The following DPP6 variants were observed in gnomAD, a reference collection of about 807,000 sequenced individuals.
DPP6 encodes A-type potassium channel modulatory protein DPP6.
DPP6 carries 69 observed loss-of-function variants against 122.6 expected under a neutral mutation model. The ratio of observed to expected loss-of-function variants is 0.56; its 90% CI spans 0.46 to 0.69. DPP6 has a LOEUF of 0.69. Ranked by LOEUF, DPP6 falls within the 30% of genes least tolerant of loss-of-function variation. The pLI is 0.00. For synonymous variants in DPP6, 418 were observed against 433.1 expected (o/e 0.97, Z 0.43); for missense variants, 928 against 1,116.9 (o/e 0.83, Z 2.41).
At chr7:153,904,332 G>A (rs562044527) in intron 1 of DPP6, among the ~76,000 whole-genome samples, 53 of 152,260 alleles carry the variant, frequency 3.5e-4, no homozygotes, top group African/African-American at 1.2e-3. Flanking sequence ...GATTACAGGC[G>A]TGAGTCACCA....
chr7:154,314,270 A>C (rs751655776), intron 1 of DPP6, among the ~76,000 whole-genome samples: 4 of 152,202 alleles, frequency 2.6e-5, no homozygotes, highest in Non-Finnish European at 4.4e-5. Flanking sequence ...TAAAAAACAA[A>C]ATATAGAAAC....
rs1447441262 is a variant in DPP6, at chr7:154,624,433, G to A, written c.628-13388G>A. Among the ~76,000 whole-genome samples the A allele has an allele frequency of 4.6e-5, 7 of 151,956 alleles. No homozygotes were observed. Among genetic ancestry groups the A allele is most frequent in the Non-Finnish European group, 7.4e-5 (5 of 68,010 alleles). ...CTTGTACCCAGGAGACAGAGATTGC[G>A]CCGCTGCCTTCCAACCTGGGCAACA... On this transcript the variant is annotated intron_variant, in intron 5 of 25. Coordinates refer to ENST00000377770, the MANE Select transcript of DPP6 (RefSeq NM_130797.4). The surrounding 1 kb of genome is among the most constrained non-coding windows in gnomAD (Gnocchi z 4.7).
chr7:154,266,981 T>G (rs1803463861), intron 1 of DPP6, among the ~76,000 whole-genome samples: 1 of 152,200 alleles, frequency 6.6e-6, no homozygotes, highest in Non-Finnish European at 1.5e-5. Flanking sequence ...ATAAAGCAAT[T>G]AAAACATCCT....
chr7:154,859,518 T>A (rs577209704), intron 17 of DPP6, among the ~76,000 whole-genome samples: 1 of 152,240 alleles, frequency 6.6e-6, no homozygotes, highest in Non-Finnish European at 1.5e-5. Flanking sequence ...TTGAAATTAC[T>A]GTTTCAGAAT....
chr7:154,430,026 A>T (rs1209084875), intron 1 of DPP6, among the ~76,000 whole-genome samples: 2 of 152,208 alleles, frequency 1.3e-5, no homozygotes, highest in South Asian at 4.1e-4. Context: ...GCAAGTTTCC[A>T]TCCACCCTCC....
intron 3 of DPP6, among the ~76,000 whole-genome samples, chr7:154,488,528 ACT>A (rs1245081275): frequency 5.3e-5 from 8 of 151,268 alleles, no homozygotes; most frequent in Non-Finnish European, 7.4e-5. Context: ...TTTAACTGGG[ACT>A]CTCTAACAGA....
intron 5 of DPP6, among the ~76,000 whole-genome samples, chr7:154,636,573 C>T (rs1394432334): frequency 6.6e-6 from 1 of 152,204 alleles, no homozygotes; most frequent in Non-Finnish European, 1.5e-5. Flanking sequence ...AAGCAAGGGG[C>T]CCCGGGCCGC....
At chr7:154,659,549 C>T (rs10282013) in intron 6 of DPP6, among the ~76,000 whole-genome samples, 6 of 152,078 alleles carry the variant, frequency 3.9e-5, no homozygotes, top group African/African-American at 1.2e-4. Flanking sequence ...TAGATTATTG[C>T]GTCCAACCCT....
At chr7:154,581,649 G>A (rs192369536) in intron 5 of DPP6, among the ~76,000 whole-genome samples, 118 of 152,368 alleles carry the variant, frequency 7.7e-4, no homozygotes, top group African/African-American at 2.8e-3. Flanking sequence ...AGCCTTTCAG[G>A]CCCTTTTGAA....
At chr7:154,506,504 A>G (rs963124748) in intron 3 of DPP6, among the ~76,000 whole-genome samples, 3 of 152,150 alleles carry the variant, frequency 2.0e-5, no homozygotes, top group Middle Eastern at 3.2e-3. Flanking sequence ...ACTCTGCATT[A>G]TTCAAATGGC....
chr7:154,334,155 T>A (rs569710808), intron 1 of DPP6, among the ~76,000 whole-genome samples: 1 of 151,222 alleles, frequency 6.6e-6, no homozygotes, highest in Non-Finnish European at 1.5e-5. Flanking sequence ...GGAATTTGCA[T>A]TTTGTTATTC....
intron 1 of DPP6, among the ~76,000 whole-genome samples, chr7:154,405,430 C>T (rs1482024007): frequency 6.6e-6 from 1 of 150,598 alleles, no homozygotes; most frequent in Non-Finnish European, 1.5e-5. Context: ...GGATATTTTC[C>T]TTGTTACTAT....
intron 1 of DPP6, among the ~76,000 whole-genome samples, chr7:154,087,787 G>A (rs1394411695): frequency 2.0e-5 from 3 of 152,148 alleles, no homozygotes; most frequent in Admixed American, 6.5e-5. Flanking sequence ...AAACTCACAG[G>A]TATTTATTAT....
intron 1 of DPP6, among the ~76,000 whole-genome samples, chr7:154,208,786 G>A (rs1473061753): frequency 2.6e-5 from 4 of 151,846 alleles, no homozygotes; most frequent in African/African-American, 9.7e-5. Context: ...AAAAAAATAG[G>A]GCAGCCTCAG....
chr7:154,243,202 T>C (rs999699647), intron 1 of DPP6, among the ~76,000 whole-genome samples: 1 of 152,172 alleles, frequency 6.6e-6, no homozygotes, highest in Non-Finnish European at 1.5e-5. Flanking sequence ...ACATTTTGTC[T>C]ATAGTATCCA....
In DPP6 at chr7:154,601,349, A is replaced by T. The variant is rs1389421055; in HGVS notation, c.627+34433A>T. Among the ~76,000 whole-genome samples, 3 of 121,308 alleles carry T rather than the reference A, an allele frequency of 2.5e-5. 1 individual carries two copies. The highest frequency in any genetic ancestry group is 7.9e-5 in the African/African-American group (3 of 38,100). 79.6% of individuals were successfully genotyped at this position (121,308 alleles called of 152,430 possible). The stretch of plus-strand genomic sequence containing the variant: ...GGAGATTTGTCTAGTTCTCTTTTCA[A>T]ATCTGTCACGTTTTGCTTAGTAAAT... On this transcript the variant is annotated intron_variant, in intron 5 of 25. Transcript: ENST00000377770.
intron 1 of DPP6, among the ~76,000 whole-genome samples, chr7:154,363,132 G>T (rs2879058): frequency 0.12 from 18,013 of 152,120 alleles, 1,665 homozygotes; most frequent in African/African-American, 0.25. Flanking sequence ...GGCTACAGTG[G>T]CAGCCAGCAT....
intron 1 of DPP6, among the ~76,000 whole-genome samples, chr7:154,042,273 T>A (rs4725518): frequency 6.6e-6 from 1 of 152,036 alleles, no homozygotes; most frequent in Non-Finnish European, 1.5e-5. Context: ...CCTTAACTTG[T>A]GGATATTCTA....
At chr7:154,371,595 C>T (rs544375666) in intron 1 of DPP6, among the ~76,000 whole-genome samples, 65 of 152,176 alleles carry the variant, frequency 4.3e-4, no homozygotes, top group African/African-American at 1.5e-3. Flanking sequence ...CAGACTGGCC[C>T]TGCATCCCGC....
Sources: gnomAD v4.1 joint callset for allele counts (sites outside exome capture counted in the v4.1 genomes callset) on GRCh38, gnomAD v4.1.1 for gene constraint, Gnocchi (gnomAD v3.1) non-coding constraint, MANE v1.5 for transcripts, NCBI Gene and HGNC (gene_info 2026-07-23, HGNC 2026-07-21) for gene names.